Variants in ERICH1 observed in about 807,000 individuals in gnomAD.
ERICH1 encodes the protein glutamate-rich protein 1.
Under a neutral mutation model 39.6 loss-of-function variants are expected in ERICH1, and 56 were observed. The ratio of observed to expected loss-of-function variants is 1.41; its 90% CI spans 1.14 to 1.77. The LOEUF (loss-of-function observed/expected upper bound fraction) is 1.77. Ranked by LOEUF, ERICH1 falls within the 40% of genes most tolerant of loss-of-function variation. The pLI is 0.00. For synonymous variants in ERICH1, 313 were observed against 223.6 expected (o/e 1.40, Z -3.57); for missense variants, 826 against 575.4 (o/e 1.44, Z -4.45).
At chr8:638,512 T>C (rs1206619052) in intron 3 of ERICH1, among the ~76,000 whole-genome samples, 2 of 152,130 alleles carry the variant, frequency 1.3e-5, no homozygotes, top group South Asian at 2.1e-4. Flanking sequence ...AGGAGGGAAC[T>C]GAGTGTGGGT....
chr8:668,763 G>C lies in ERICH1; in HGVS notation c.1093C>G (p.Leu365Val), dbSNP rs774405503. 4 of 1,611,536 alleles carry C rather than the reference G, an allele frequency of 2.5e-6. No individual in the cohort carries two copies. The highest frequency in any genetic ancestry group is 2.2e-5 in the East Asian group (1 of 44,840). Reference sequence around the variant, plus strand: ...AGCAGCTCCTCAGCGGCATCTGCGAGGGCAGCTGAAGCTGCATCTCTGGAG... The same window carrying C: ...AGCAGCTCCTCAGCGGCATCTGCGACGGCAGCTGAAGCTGCATCTCTGGAG... The part of the protein sequence containing the change: ...GVSRDAASAA[L>V]ADAAEELLDR... Residue 365 changes from leucine to valine, a missense_variant, in exon 5 of 6, where the codon CTC (leucine) becomes GTC (valine). By Grantham distance (32) the Leu-to-Val change is conservative. Transcript: ENST00000262109.
chr8:624,068 T>G (rs1357034268), intron 3 of ERICH1, among the ~76,000 whole-genome samples: 1 of 151,926 alleles, frequency 6.6e-6, no homozygotes, highest in Non-Finnish European at 1.5e-5. Context: ...AAAACCCAAC[T>G]GCAGATTAGT....
At chr8:658,534 T>C (rs993075279) in intron 3 of ERICH1, among the ~76,000 whole-genome samples, 5 of 152,186 alleles carry the variant, frequency 3.3e-5, no homozygotes, top group African/African-American at 1.2e-4. Context: ...TCTCCTCAAA[T>C]TATTCCTCCT....
chr8:690,074 C>T (rs13259695), intron 3 of ERICH1, among the ~76,000 whole-genome samples: 33,539 of 152,082 alleles, frequency 0.22, 4,079 homozygotes, highest in Middle Eastern at 0.39. Flanking sequence ...GAGAGCAAGA[C>T]GCAACCCCAC....
intron 2 of ERICH1, among the ~76,000 whole-genome samples, chr8:704,960 T>TA (rs1158314635): frequency 6.6e-6 from 1 of 151,962 alleles, no homozygotes; most frequent in African/African-American, 2.4e-5. Flanking sequence ...CTGACAAATT[T>TA]AAAAAAAAGT....
chr8:641,638 C>A (rs1479241565), intron 3 of ERICH1, among the ~76,000 whole-genome samples: 1 of 152,222 alleles, frequency 6.6e-6, no homozygotes, highest in Non-Finnish European at 1.5e-5. Flanking sequence ...GGTAGTGTGT[C>A]TGAGCGTGAT....
chr8:621,531 A>C (rs1198822007), intron 3 of ERICH1, among the ~76,000 whole-genome samples: 1 of 151,832 alleles, frequency 6.6e-6, no homozygotes, highest in South Asian at 2.1e-4. Context: ...TTAAATAATT[A>C]AAAAGAGAAA....
intron 3 of ERICH1, among the ~76,000 whole-genome samples, chr8:628,704 C>A (rs1306949159): frequency 6.6e-6 from 1 of 152,218 alleles, no homozygotes; most frequent in Non-Finnish European, 1.5e-5. Context: ...GGGAATAACA[C>A]CCTGTGGGCC....
intron 2 of ERICH1, among the ~76,000 whole-genome samples, chr8:712,533 G>A (rs915795543): frequency 2.0e-5 from 3 of 152,146 alleles, no homozygotes; most frequent in African/African-American, 7.2e-5. Context: ...GGGTTCAAGT[G>A]ATTCTCCTGC....
At chr8:692,368 C>A (rs879148791) in intron 3 of ERICH1, 110 bp downstream of exon 3, 16 of 1,483,166 alleles carry the variant, frequency 1.1e-5, no homozygotes, top group Non-Finnish European at 1.4e-5. Context: ...ACAACATGCT[C>A]ACCCACCCCC....
Position 673,315 on chromosome 8 carries a change from G to C in ERICH1, c.1037C>G (p.Ser346Ter), listed in dbSNP as rs775131641. The stretch of plus-strand genomic sequence containing the variant: ...GTCATAAAAATACATTTCCTGTGTT[G>C]ACTTCAAAAAATTTAGAATACTGTG... ...KAHSILNFLK[S>*]TQEMYFYDGV... is the part of the protein sequence containing the mutation. The change falls in exon 4 of 6, where the codon TCA becomes TGA. Residue 346 changes from serine (S) to a stop codon, truncating the protein, a stop_gained. Coordinates refer to ENST00000262109, the MANE Select transcript of ERICH1 (RefSeq NM_207332.3). LOFTEE classifies it high-confidence loss of function. The C allele has an allele frequency of 6.2e-7, 1 of 1,608,594 alleles. No homozygotes were observed. The highest frequency in any genetic ancestry group is 1.1e-5 in the South Asian group (1 of 90,920).
chr8:662,592 G>A (rs1314137719), downstream of ERICH1, among the ~76,000 whole-genome samples: 1 of 150,386 alleles, frequency 6.6e-6, no homozygotes, highest in Non-Finnish European at 1.5e-5. Context: ...AGGTTGAGGT[G>A]AGCCGAGATC....
chr8:663,620 C>T (rs1703927), downstream of ERICH1, among the ~76,000 whole-genome samples: 137,586 of 152,150 alleles, frequency 0.9, 62,312 homozygotes, highest in South Asian at 0.95. Flanking sequence ...AGTGTGGTGG[C>T]CCCAGCAAAC....
At chr8:703,210 T>A (rs1021590661) in intron 2 of ERICH1, among the ~76,000 whole-genome samples, 1 of 152,098 alleles carries the variant, frequency 6.6e-6, no homozygotes. Flanking sequence ...TCCTATCTGT[T>A]AATGGCACGT....
At chr8:674,139 G>C (rs1804115200) in intron 3 of ERICH1, 92 bp from the exon 4 acceptor site, 13 of 1,396,584 alleles carry the variant, frequency 9.3e-6, no homozygotes, top group Non-Finnish European at 1.2e-5. Context: ...GGATCTTGTA[G>C]TTTTAGTAGA....
chr8:645,786 G>T (rs1799456659), intron 3 of ERICH1, among the ~76,000 whole-genome samples: 1 of 69,698 alleles, frequency 1.4e-5, no homozygotes, highest in African/African-American at 3.6e-5. Flanking sequence ...ACGGTGCCCA[G>T]CCCAGAAATC....
intron 3 of ERICH1, among the ~76,000 whole-genome samples, chr8:687,516 C>A (rs754495978): frequency 6.6e-5 from 10 of 152,254 alleles, no homozygotes; most frequent in Non-Finnish European, 1.2e-4. Context: ...GAGAAGGGGC[C>A]CGCTAACACC....
intron 3 of ERICH1, among the ~76,000 whole-genome samples, chr8:640,236 T>C (rs1490222208): frequency 1.3e-5 from 2 of 152,212 alleles, no homozygotes; most frequent in Non-Finnish European, 2.9e-5. Flanking sequence ...CAGATGCTCC[T>C]TTTTTATAGC....
At chr8:723,771 T>C (rs1393377765) in intron 1 of ERICH1, among the ~76,000 whole-genome samples, 2 of 152,236 alleles carry the variant, frequency 1.3e-5, no homozygotes, top group Non-Finnish European at 2.9e-5. Context: ...CTGCTGAAAA[T>C]ATGCTGGCCC....
Sources: allele counts gnomAD v4.1 joint callset (sites outside exome capture counted in the v4.1 genomes callset), GRCh38; gene constraint gnomAD v4.1.1; transcripts MANE v1.5; gene names NCBI Gene and HGNC (gene_info 2026-07-23, HGNC 2026-07-21).